CDH4: variants seen among roughly 807,000 people sequenced by gnomAD.
CDH4 encodes cadherin 4, also known as cadherin-4.
A neutral mutation model predicts 86.0 loss-of-function variants in CDH4; 33 were observed. That is an observed-to-expected ratio of 0.38 (90% confidence interval 0.29 to 0.51). CDH4 has a LOEUF of 0.51. Ranked by LOEUF, CDH4 falls within the 20% of genes least tolerant of loss-of-function variation. The probability of loss-of-function intolerance (pLI) is 0.86; values close to 1 mark genes in which losing one functional copy is unlikely to be tolerated. For missense variants in CDH4, 1,114 were observed against 1,307.4 expected, an observed-to-expected ratio of 0.85 and a Z score of 2.28; for synonymous variants, 555 against 549.4, an observed-to-expected ratio of 1.01 and a Z score of -0.14.
intron 8 of CDH4, among the ~76,000 whole-genome samples, chr20:61,907,232 G>A (rs377585874): frequency 6.6e-6 from 1 of 151,842 alleles, no homozygotes; most frequent in African/African-American, 2.4e-5. Flanking sequence ...ACAGCAACAC[G>A]GACCTGGCTG....
intron 2 of CDH4, among the ~76,000 whole-genome samples, chr20:61,345,547 G>T (rs6028132): frequency 6.6e-6 from 1 of 152,136 alleles, no homozygotes; most frequent in East Asian, 1.9e-4. Flanking sequence ...TGGAAAATCT[G>T]TAATAACAAC....
At chr20:61,483,670 C>T (rs1443745315) in intron 2 of CDH4, among the ~76,000 whole-genome samples, 2 of 141,994 alleles carry the variant, frequency 1.4e-5, no homozygotes, top group East Asian at 2.1e-4. Context: ...CACCAGCACC[C>T]GCCCCCCCCG....
chr20:61,517,881 C>T lies in CDH4; in HGVS notation c.170-225682C>T, dbSNP rs559845616. ...AGTTCCGTCCCATGCAGGTGCCTCA[C>T]AAAACCCATATACCCCTCAGGGTCC... On this transcript the variant is annotated intron_variant, in intron 2 of 15. Transcript: ENST00000614565. The surrounding 1 kb of genome is among the most constrained non-coding windows in gnomAD (Gnocchi z 6.6). Among the ~76,000 whole-genome samples, 1 of 152,306 alleles carries T rather than the reference C, an allele frequency of 6.6e-6. No individual in the cohort carries two copies. Among genetic ancestry groups the T allele is most frequent in the African/African-American group, 2.4e-5 (1 of 41,568 alleles).
In CDH4 at chr20:61,716,012, G is replaced by A. The variant is rs184739570; in HGVS notation, c.170-27551G>A. Among the ~76,000 whole-genome samples, 384 of 152,316 alleles carry A rather than the reference G, an allele frequency of 2.5e-3. 2 individuals are homozygous for A. Among genetic ancestry groups the A allele is most frequent in the Middle Eastern group, 0.01 (3 of 294 alleles). ...CAGACATGCCTGGCCACACTTCACC[G>A]TGGCTCCAGGCAGCAGCAGCCCCAG... On this transcript the variant is annotated intron_variant, in intron 2 of 15. Coordinates refer to ENST00000614565, the MANE Select transcript of CDH4 (RefSeq NM_001794.5).
intron 2 of CDH4, among the ~76,000 whole-genome samples, chr20:61,573,220 A>C (rs927324367): frequency 8.5e-5 from 13 of 152,156 alleles, no homozygotes; most frequent in Non-Finnish European, 1.8e-4. Context: ...AGCCCAGAGA[A>C]TAGAACCCCA....
chr20:61,488,948 CTTTT>C (rs1011030120), intron 2 of CDH4, among the ~76,000 whole-genome samples: 1 of 151,478 alleles, frequency 6.6e-6, no homozygotes, highest in African/African-American at 2.4e-5. Context: ...TCTTAAATCA[CTTTT>C]TTTTTAAATT....
chr20:61,269,804 C>A lies in CDH4; in HGVS notation c.169+14867C>A, dbSNP rs190722125. On this transcript the variant is annotated intron_variant, in intron 2 of 15. Coordinates refer to ENST00000614565, the MANE Select transcript of CDH4 (RefSeq NM_001794.5). This position sits in a 1 kb window ranked among gnomAD's most constrained non-coding sequence, Gnocchi z 5.3. ...AACCCCAGGCTCCAGAGGCTCCCGG[C>A]GGGGAGACTGTCAGATAGCAACTCC... Among the ~76,000 whole-genome samples the A allele has an allele frequency of 3.9e-3, 594 of 152,070 alleles. 4 individuals carry two copies. Among genetic ancestry groups the A allele is most frequent in the African/African-American group, 0.014 (571 of 41,454 alleles).
At chr20:61,253,330 G>T (rs1027498416) in intron 1 of CDH4, among the ~76,000 whole-genome samples, 1 of 151,768 alleles carries the variant, frequency 6.6e-6, no homozygotes, top group Non-Finnish European at 1.5e-5. Flanking sequence ...AGCCCCGCGG[G>T]CCGGATTGCC....
chr20:61,732,342 T>A (rs4295086), intron 2 of CDH4, among the ~76,000 whole-genome samples: 54,599 of 151,822 alleles, frequency 0.36, 10,304 homozygotes, highest in African/African-American at 0.45. Context: ...GTCCCAGCTC[T>A]CCAACCTACA....
At chr20:61,692,696 G>T (rs1298240421) in intron 2 of CDH4, among the ~76,000 whole-genome samples, 2 of 152,188 alleles carry the variant, frequency 1.3e-5, no homozygotes, top group Admixed American at 1.3e-4. Context: ...TTATACCATT[G>T]CAAAAGCACA....
chr20:61,438,672 A>C (rs559554696), intron 2 of CDH4, among the ~76,000 whole-genome samples: 1 of 152,322 alleles, frequency 6.6e-6, no homozygotes, highest in Non-Finnish European at 1.5e-5. Context: ...CTCTGAAAAC[A>C]TTTCATATGA....
At chr20:61,716,342 A>T (rs2087953418) in intron 2 of CDH4, among the ~76,000 whole-genome samples, 1 of 151,502 alleles carries the variant, frequency 6.6e-6, no homozygotes, top group South Asian at 2.1e-4. Flanking sequence ...CTGGACCTGT[A>T]AAGGGGTGGA....
intron 2 of CDH4, among the ~76,000 whole-genome samples, chr20:61,625,676 A>G (rs1426715835): frequency 6.6e-6 from 1 of 152,234 alleles, no homozygotes; most frequent in Admixed American, 6.5e-5. Flanking sequence ...ATGAGCAGAC[A>G]CCGTTCAGAT....
At chr20:61,819,532 T>G (rs1568833353) in intron 4 of CDH4, among the ~76,000 whole-genome samples, 1 of 152,260 alleles carries the variant, frequency 6.6e-6, no homozygotes, top group African/African-American at 2.4e-5. Flanking sequence ...GCGGCCGGGC[T>G]GCAGCCCAGC....
At chr20:61,819,388 G>A (rs373751135) in intron 4 of CDH4, among the ~76,000 whole-genome samples, 3 of 150,852 alleles carry the variant, frequency 2.0e-5, no homozygotes, top group South Asian at 2.2e-4. Flanking sequence ...GCTCTGCCCC[G>A]GGAGCGTTCC....
At chr20:61,803,582 C>G (rs1184974673) in intron 4 of CDH4, among the ~76,000 whole-genome samples, 1 of 152,184 alleles carries the variant, frequency 6.6e-6, no homozygotes, top group African/African-American at 2.4e-5. Context: ...TCTGCTACCG[C>G]GGGCGAGCCG....
intron 7 of CDH4, among the ~76,000 whole-genome samples, chr20:61,878,118 A>G (rs1405031695): frequency 6.6e-6 from 1 of 152,032 alleles, no homozygotes; most frequent in African/African-American, 2.4e-5. Flanking sequence ...GCTGGGGCAA[A>G]GCTAAGGCCC....
intron 2 of CDH4, among the ~76,000 whole-genome samples, chr20:61,710,482 T>G (rs1184211406): frequency 6.6e-6 from 1 of 152,188 alleles, no homozygotes; most frequent in Non-Finnish European, 1.5e-5. Flanking sequence ...CTGGGGAGCT[T>G]CAGATGCACG....
At chr20:61,408,914 A>G (rs1188809578) in intron 2 of CDH4, among the ~76,000 whole-genome samples, 2 of 152,138 alleles carry the variant, frequency 1.3e-5, no homozygotes, top group Non-Finnish European at 2.9e-5. Context: ...GCCCACTGGG[A>G]CTGGGTCCTA....
Sources: allele counts gnomAD v4.1 joint callset (sites outside exome capture counted in the v4.1 genomes callset), GRCh38; gene constraint gnomAD v4.1.1; non-coding constraint Gnocchi (gnomAD v3.1); transcripts MANE v1.5; gene names NCBI Gene and HGNC (gene_info 2026-07-23, HGNC 2026-07-21).